MAP3K5: variants seen among roughly 807,000 people sequenced by gnomAD.
MAP3K5 encodes ASK-1.
Under a neutral mutation model 158.7 loss-of-function variants are expected in MAP3K5, and 56 were observed. The observed-to-expected ratio is 0.35, with a 90% CI of 0.28 to 0.44. The LOEUF (loss-of-function observed/expected upper bound fraction) is 0.44. Among genes scored for constraint, MAP3K5 ranks in the 20% least tolerant of loss-of-function variants. MAP3K5 has a pLI of 1.00. For missense variants in MAP3K5, 1,294 were observed against 1,674.8 expected (o/e 0.77, Z 3.97); for synonymous variants, 579 against 601.7 (o/e 0.96, Z 0.55).
intron 10 of MAP3K5, among the ~76,000 whole-genome samples, chr6:136,653,234 A>C (rs1778598143): frequency 6.6e-6 from 1 of 152,216 alleles, no homozygotes; most frequent in South Asian, 2.1e-4. Context: ...AAAAAAGAAT[A>C]AATTGAAGTG....
chr6:136,789,637 C>G (rs115716197), intron 1 of MAP3K5, among the ~76,000 whole-genome samples: 1 of 151,124 alleles, frequency 6.6e-6, no homozygotes, highest in African/African-American at 2.4e-5. Flanking sequence ...AGTAACTCAG[C>G]CCACCTAAAT....
intron 1 of MAP3K5, among the ~76,000 whole-genome samples, chr6:136,777,926 T>A (rs11154885): frequency 0.51 from 78,095 of 151,952 alleles, 20,878 homozygotes; most frequent in Admixed American, 0.61. Context: ...GTGAGAAAAA[T>A]ACCAAATTGA....
At chr6:136,585,357 A>T (rs1775077840) in intron 23 of MAP3K5, among the ~76,000 whole-genome samples, 1 of 151,400 alleles carries the variant, frequency 6.6e-6, no homozygotes, top group Non-Finnish European at 1.5e-5. Context: ...GGCTCAAGTG[A>T]TCCTCCCACC....
chr6:136,579,678 A>G (rs1306866405), intron 25 of MAP3K5: 3 of 378,674 alleles, frequency 7.9e-6, no homozygotes, highest in South Asian at 2.0e-5. Flanking sequence ...TGTAACCAAT[A>G]TACCACTCTG....
chr6:136,636,685 G>A lies in MAP3K5; in HGVS notation c.2016+640C>T, dbSNP rs566250597. The stretch of plus-strand genomic sequence containing the variant: ...CAGTCGGGTGCGGTGGCTCACGCCT[G>A]TAATTCTAGTGCTTTGGGAGGCCGA... On this transcript the variant is annotated intron_variant, in intron 14 of 29. Transcript: ENST00000359015. 8.0e-4 allele frequency: 242 copies of A among 301,848 alleles called. 1 individual carries two copies. Among genetic ancestry groups the A allele is most frequent in the Admixed American group, 1.4e-3 (21 of 15,428 alleles). The allele number at this position is 301,848 out of a possible 1,614,324, so 18.7% of individuals were successfully genotyped here. A position where few individuals can be genotyped will look rare whatever the true frequency, so the allele number is the denominator to read the frequency against.
chr6:136,779,098 G>A (rs923435112), intron 1 of MAP3K5, among the ~76,000 whole-genome samples: 1 of 152,044 alleles, frequency 6.6e-6, no homozygotes, highest in Non-Finnish European at 1.5e-5. Context: ...CCAGGAGTTC[G>A]AGACCAGCCT....
chr6:136,606,183 T>G (rs1446505947), intron 18 of MAP3K5, among the ~76,000 whole-genome samples: 1 of 152,084 alleles, frequency 6.6e-6, no homozygotes, highest in Non-Finnish European at 1.5e-5. Flanking sequence ...AAACCCTGTC[T>G]CTACTAAAAA....
At chr6:136,563,001 C>A (rs1174783567) in intron 26 of MAP3K5, among the ~76,000 whole-genome samples, 1 of 151,974 alleles carries the variant, frequency 6.6e-6, no homozygotes, top group African/African-American at 2.4e-5. Flanking sequence ...ACCTTCTAGA[C>A]ATGAGCTATA....
chr6:136,709,206 T>C (rs1781205258), intron 2 of MAP3K5, among the ~76,000 whole-genome samples: 1 of 152,176 alleles, frequency 6.6e-6, no homozygotes, highest in South Asian at 2.1e-4. Context: ...ACTGACTGTC[T>C]AGCAAATGTC....
chr6:136,591,514 G>A (rs989792659), intron 23 of MAP3K5, among the ~76,000 whole-genome samples: 9 of 152,202 alleles, frequency 5.9e-5, no homozygotes, highest in Admixed American at 1.3e-4. Context: ...TATTAGAAGT[G>A]TTTTAGTCTT....
At chr6:136,717,101 C>CAA (rs564862844) in intron 2 of MAP3K5, among the ~76,000 whole-genome samples, 2 of 129,178 alleles carry the variant, frequency 1.5e-5, no homozygotes, top group South Asian at 2.5e-4. Flanking sequence ...ACTAAAAAAG[C>CAA]AAAAAAAAAA....
intron 23 of MAP3K5, among the ~76,000 whole-genome samples, chr6:136,584,799 C>T (rs1775043602): frequency 6.6e-6 from 1 of 152,144 alleles, no homozygotes; most frequent in African/African-American, 2.4e-5. Context: ...GTTCCTCAGG[C>T]TCATATTCTG....
chr6:136,689,603 A>C, intron 7 of MAP3K5, among the ~76,000 whole-genome samples: 1 of 152,202 alleles, frequency 6.6e-6, no homozygotes, highest in East Asian at 1.9e-4. Flanking sequence ...TGAAAGGATT[A>C]ATGCTGTTAC....
intron 1 of MAP3K5, among the ~76,000 whole-genome samples, chr6:136,735,748 G>A (rs1782429466): frequency 6.6e-6 from 1 of 152,156 alleles, no homozygotes; most frequent in African/African-American, 2.4e-5. Flanking sequence ...AGGATGGCTT[G>A]GGCCCGGGAG....
intron 1 of MAP3K5, among the ~76,000 whole-genome samples, chr6:136,780,174 A>C (rs866680515): frequency 1.3e-5 from 2 of 152,336 alleles, no homozygotes; most frequent in Middle Eastern, 3.4e-3. Flanking sequence ...TTGTCCTCCT[A>C]GTGATTTGGC....
chr6:136,643,829 T>C (rs1025109710), intron 11 of MAP3K5, among the ~76,000 whole-genome samples: 1 of 152,146 alleles, frequency 6.6e-6, no homozygotes, highest in Non-Finnish European at 1.5e-5. Flanking sequence ...GAAATTAAAA[T>C]AGCAGACTGC....
intron 6 of MAP3K5, 47 bp downstream of exon 6, chr6:136,695,904 C>T: frequency 8.8e-7 from 1 of 1,132,508 alleles, no homozygotes; most frequent in Non-Finnish European, 1.3e-6. Context: ...TTGCAGGTTA[C>T]ACAATAATAT....
intron 14 of MAP3K5, chr6:136,637,024 G>T: frequency 8.6e-7 from 1 of 1,157,546 alleles, no homozygotes; most frequent in Admixed American, 4.4e-5. Context: ...ATATCTCAGA[G>T]GAGAATAGAG....
chr6:136,732,653 C>G (rs1051000266), intron 1 of MAP3K5, among the ~76,000 whole-genome samples: 2 of 152,166 alleles, frequency 1.3e-5, no homozygotes, highest in Admixed American at 6.5e-5. Context: ...AGTAGCACCA[C>G]CTGAGCTTCT....
Sources: gnomAD v4.1 joint callset for allele counts (sites outside exome capture counted in the v4.1 genomes callset) on GRCh38, gnomAD v4.1.1 for gene constraint, MANE v1.5 for transcripts, NCBI Gene and HGNC (gene_info 2026-07-23, HGNC 2026-07-21) for gene names.